The following ZNF804B variants were observed in gnomAD, a reference collection of about 807,000 sequenced individuals.
The protein encoded by ZNF804B is zinc finger 804B.
In ZNF804B, 80 loss-of-function variants were observed where a neutral mutation model predicts 101.4. The observed-to-expected ratio is 0.79, with a 90% CI of 0.66 to 0.95. The LOEUF (loss-of-function observed/expected upper bound fraction) is 0.95. ZNF804B is among the 40% of genes least tolerant of loss of function. ZNF804B has a pLI of 0.00. For missense variants in ZNF804B, 1,673 were observed against 1,561.9 expected (o/e 1.07, Z -1.20); for synonymous variants, 622 against 558.8 (o/e 1.11, Z -1.59).
intron 1 of ZNF804B, among the ~76,000 whole-genome samples, chr7:88,984,002 A>G (rs1055524455): frequency 6.6e-6 from 1 of 152,134 alleles, no homozygotes; most frequent in African/African-American, 2.4e-5. Context: ...CATCAAATCC[A>G]TAAATAAGAC....
chr7:88,903,986 G>T (rs1792430395), intron 1 of ZNF804B, among the ~76,000 whole-genome samples: 1 of 152,132 alleles, frequency 6.6e-6, no homozygotes, highest in East Asian at 1.9e-4. Context: ...ATTTGGTTTT[G>T]TTGCAATTGC....
At chr7:88,861,312 A>G (rs1039776897) in intron 1 of ZNF804B, among the ~76,000 whole-genome samples, 2 of 152,168 alleles carry the variant, frequency 1.3e-5, no homozygotes, top group African/African-American at 4.8e-5. Flanking sequence ...TTTCCATGGA[A>G]TTAAAGAAAA....
At chr7:88,800,007 C>T (rs1433761840) in intron 1 of ZNF804B, among the ~76,000 whole-genome samples, 1 of 151,918 alleles carries the variant, frequency 6.6e-6, no homozygotes, top group Non-Finnish European at 1.5e-5. Context: ...TCTGGAATAC[C>T]AGGCTTTAAA....
At chr7:88,821,069 A>C (rs3915192) in intron 1 of ZNF804B, among the ~76,000 whole-genome samples, 48,719 of 152,028 alleles carry the variant, frequency 0.32, 8,563 homozygotes, top group East Asian at 0.73. Flanking sequence ...TCAATTCTGG[A>C]ATAAAATTGT....
chr7:89,047,867 G>A (rs563512416), intron 1 of ZNF804B, among the ~76,000 whole-genome samples: 22 of 150,986 alleles, frequency 1.5e-4, no homozygotes, highest in Non-Finnish European at 2.7e-4. Context: ...AGCATCAGGC[G>A]ATTGGTTGAT....
intron 2 of ZNF804B, among the ~76,000 whole-genome samples, chr7:89,227,424 A>G (rs1442735468): frequency 6.6e-6 from 1 of 152,202 alleles, no homozygotes; most frequent in Non-Finnish European, 1.5e-5. Flanking sequence ...CAAATGCTGG[A>G]GATTCATTAT....
At chr7:89,145,405 T>C (rs114832197) in intron 1 of ZNF804B, among the ~76,000 whole-genome samples, 1,786 of 152,076 alleles carry the variant, frequency 0.012, 30 homozygotes, top group African/African-American at 0.04. Flanking sequence ...TATCTTAAAA[T>C]AGAGATATTT....
At chr7:89,100,571 A>G (rs998500203) in intron 1 of ZNF804B, among the ~76,000 whole-genome samples, 5 of 152,146 alleles carry the variant, frequency 3.3e-5, no homozygotes, top group African/African-American at 1.2e-4. Flanking sequence ...CTCTCTGACA[A>G]AAGATTGATT....
chr7:89,092,633 G>A lies in ZNF804B; in HGVS notation c.109-125522G>A, dbSNP rs1047572729. Among the ~76,000 whole-genome samples the A allele has an allele frequency of 3.3e-5, 5 of 152,006 alleles. No homozygotes were observed. In the East Asian group the frequency reaches 5.9e-4, roughly 18 times the overall value. ...TCACCATATTGGCCAGGATGATCTC[G>A]AAATCCTGACCTTGTGATCCACCCG... On this transcript the variant is annotated intron_variant, in intron 1 of 3. Coordinates refer to ENST00000333190, the MANE Select transcript of ZNF804B (RefSeq NM_181646.5).
chr7:89,019,327 A>T (rs758641857), intron 1 of ZNF804B, among the ~76,000 whole-genome samples: 15 of 151,866 alleles, frequency 9.9e-5, no homozygotes, highest in Non-Finnish European at 1.6e-4. Context: ...GTTTTATTCT[A>T]TTGTGGTCTA....
At chr7:88,854,579 C>CTTCCTTCCTTCCTTCT (rs1791526932) in intron 1 of ZNF804B, among the ~76,000 whole-genome samples, 1 of 131,616 alleles carries the variant, frequency 7.6e-6, no homozygotes, top group African/African-American at 2.9e-5. Context: ...TCCTTCCTTC[C>CTTCCTTCCTTCCTTCT]TTCCTTCCCT....
chr7:88,862,750 C>G (rs541417620), intron 1 of ZNF804B, among the ~76,000 whole-genome samples: 1 of 152,202 alleles, frequency 6.6e-6, no homozygotes, highest in African/African-American at 2.4e-5. Context: ...CAACTATGAA[C>G]CCAGGTTTTG....
intron 1 of ZNF804B, among the ~76,000 whole-genome samples, chr7:89,099,027 A>ATT (rs1218029078): frequency 6.8e-6 from 1 of 147,806 alleles, no homozygotes; most frequent in East Asian, 1.9e-4. Flanking sequence ...GAATATTTAT[A>ATT]TTATATATAT....
chr7:88,803,486 T>C (rs1310351744), intron 1 of ZNF804B, among the ~76,000 whole-genome samples: 2 of 152,176 alleles, frequency 1.3e-5, no homozygotes, highest in Non-Finnish European at 2.9e-5. Context: ...GGATACAGTC[T>C]GAACTAAAGC....
chr7:88,999,936 A>T (rs1013749908), intron 1 of ZNF804B, among the ~76,000 whole-genome samples: 1 of 151,998 alleles, frequency 6.6e-6, no homozygotes, highest in Non-Finnish European at 1.5e-5. Flanking sequence ...ATGTAACAGT[A>T]AAATGTGATT....
At chr7:88,792,340 T>C (rs1790394105) in intron 1 of ZNF804B, among the ~76,000 whole-genome samples, 1 of 152,148 alleles carries the variant, frequency 6.6e-6, no homozygotes, top group Non-Finnish European at 1.5e-5. Flanking sequence ...TTCTGATTTA[T>C]AAATATATAA....
At chr7:88,962,731 A>ATG (rs997419342) in intron 1 of ZNF804B, among the ~76,000 whole-genome samples, 1 of 126,990 alleles carries the variant, frequency 7.9e-6, no homozygotes, top group Non-Finnish European at 1.7e-5. Context: ...ATATATATAT[A>ATG]TATATATATA....
At chr7:88,888,196 G>C (rs1426552522) in intron 1 of ZNF804B, among the ~76,000 whole-genome samples, 1 of 152,044 alleles carries the variant, frequency 6.6e-6, no homozygotes, top group Non-Finnish European at 1.5e-5. Context: ...TTCGAGACCA[G>C]TCTGGCCAAC....
intron 1 of ZNF804B, among the ~76,000 whole-genome samples, chr7:89,122,322 T>G (rs2373842): frequency 0.81 from 122,971 of 152,166 alleles, 50,190 homozygotes; most frequent in African/African-American, 0.93. Flanking sequence ...CTACTGTATA[T>G]GACCTCATAG....
Sources: allele counts gnomAD v4.1 joint callset (sites outside exome capture counted in the v4.1 genomes callset), GRCh38; gene constraint gnomAD v4.1.1; transcripts MANE v1.5; gene names NCBI Gene and HGNC (gene_info 2026-07-23, HGNC 2026-07-21).